FYCO1: variants seen among roughly 807,000 people sequenced by gnomAD.
FYCO1 encodes FYVE and coiled-coil domain autophagy adaptor 1, also known as FYVE and coiled-coil domain-containing protein 1.
In FYCO1, 122 loss-of-function variants were observed where a neutral mutation model predicts 165.1. The observed-to-expected ratio is 0.74, with a 90% CI of 0.64 to 0.86. FYCO1 has a LOEUF of 0.86. Among genes scored for constraint, FYCO1 ranks in the 40% least tolerant of loss-of-function variants. The pLI is 0.00. For missense variants in FYCO1, 1,702 were observed against 1,810.3 expected, an observed-to-expected ratio of 0.94 and a Z score of 1.09; for synonymous variants, 648 against 742.5, an observed-to-expected ratio of 0.87 and a Z score of 2.07.
chr3:45,943,997 A>G (rs2125817847), intron 14 of FYCO1, among the ~76,000 whole-genome samples: 1 of 152,322 alleles, frequency 6.6e-6, no homozygotes, highest in East Asian at 1.9e-4. Flanking sequence ...GAAATAAGTC[A>G]CCCATAATTC....
rs560062297 is a variant in FYCO1 at position 45,951,116 on chromosome 3, G to A, written c.3944+4133C>T. Reference sequence around the variant, plus strand: ...TATCTGAAGGATCTTCTTTGCAGGAGACGACTGGGCTGCGCAGTGCAAGGT... The same window carrying A: ...TATCTGAAGGATCTTCTTTGCAGGAAACGACTGGGCTGCGCAGTGCAAGGT... On this transcript the variant is annotated intron_variant, in intron 14 of 17. Transcript: ENST00000296137. 2.0e-5 allele frequency among the ~76,000 whole-genome samples: 3 copies of A among 152,336 alleles called. No homozygotes were observed. In the East Asian group the frequency reaches 5.8e-4, roughly 29 times the overall value.
At chr3:45,925,623 A>G (rs1230450397) in intron 16 of FYCO1, among the ~76,000 whole-genome samples, 1 of 152,236 alleles carries the variant, frequency 6.6e-6, no homozygotes, top group Non-Finnish European at 1.5e-5. Context: ...CATGTTGGGT[A>G]CACAGTTCCC....
intron 10 of FYCO1, among the ~76,000 whole-genome samples, chr3:45,963,516 C>G (rs765488675): frequency 1.5e-4 from 23 of 152,134 alleles, no homozygotes; most frequent in Non-Finnish European, 3.1e-4. Context: ...AGAGCCCAGG[C>G]CTAGAAGGCA....
intron 16 of FYCO1, among the ~76,000 whole-genome samples, chr3:45,928,648 C>T (rs188405084): frequency 5.3e-5 from 8 of 152,294 alleles, no homozygotes; most frequent in East Asian, 1.9e-4. Context: ...ACAGGTCCCT[C>T]GCCTCACCTC....
At chr3:45,984,058 C>T (rs1004223766) in intron 2 of FYCO1, among the ~76,000 whole-genome samples, 4 of 152,120 alleles carry the variant, frequency 2.6e-5, no homozygotes, top group Non-Finnish European at 4.4e-5. Context: ...AGTGTCACAG[C>T]GGACTCTGCA....
At position 45,920,503 on chromosome 3, in the gene FYCO1, AGAGCTGTCCAAGGT is replaced by A. The variant is rs1171143802; in HGVS notation, c.*1248_*1261del. 2.6e-5 allele frequency: 4 copies of A among 152,288 alleles called. No individual in the cohort carries two copies. The highest frequency in any genetic ancestry group is 5.9e-5 in the Non-Finnish European group (4 of 68,108). 9.4% of individuals were successfully genotyped at this position (152,288 alleles called of 1,614,324 possible). A position where few individuals can be genotyped will look rare whatever the true frequency, so the allele number is the denominator to read the frequency against. On this transcript the variant is annotated 3_prime_UTR_variant, in exon 18 of 18. Transcript: ENST00000296137. ...AGCTGGTTCCATGAACAAGGGACGAAGAGCTGTCCAAGGTGAGCTATCTGTTGTTGGGGAAGAAA... is the reference window on the plus strand; with the variant it reads ...AGCTGGTTCCATGAACAAGGGACGAAGAGCTATCTGTTGTTGGGGAAGAAA...
At chr3:45,982,437 G>C (rs144628978) in intron 2 of FYCO1, among the ~76,000 whole-genome samples, 195 of 152,320 alleles carry the variant, frequency 1.3e-3, no homozygotes, top group African/African-American at 4.1e-3. Context: ...AGCAGAGCTG[G>C]AATAAGAACC....
intron 4 of FYCO1, among the ~76,000 whole-genome samples, chr3:45,979,007 C>T (rs1341300096): frequency 2.0e-5 from 3 of 151,884 alleles, no homozygotes; most frequent in Non-Finnish European, 4.4e-5. Flanking sequence ...CAGGCGCCCG[C>T]CACCACGCCT....
At position 45,966,890 on chromosome 3, in the gene FYCO1, A is replaced by T. The variant is rs774132910; in HGVS notation, c.2444T>A (p.Met815Lys). 5.0e-6 allele frequency: 8 copies of T among 1,613,618 alleles called. No homozygotes were observed. The East Asian group carries it at 8.9e-5, about 18-fold the overall frequency. Residue 815 changes from methionine (M) to lysine (K), a missense_variant, in exon 8 of 18, where the codon ATG (methionine) becomes AAG (lysine). Transcript: ENST00000296137. ...DQDKVQSQLS[M>K]AEAVLREHKT... ...GTGCTCCCTCAGGACGGCCTCAGCC[A>T]TGCTTAGCTGGCTCTGCACCTTGTC...
rs1164203337 is a variant in FYCO1, at chr3:45,918,968, G to A, written c.*2797C>T. ...TGACAGAGGTTGGCATGTTCTTGAA[G>A]GTGGTGAGTGGCTTCAGTGGCATGA... On this transcript the variant is annotated 3_prime_UTR_variant, in exon 18 of 18. Transcript: ENST00000296137. 1.3e-5 allele frequency: 2 copies of A among 152,182 alleles called. No homozygotes were observed. Among genetic ancestry groups the A allele is most frequent in the East Asian group, 3.9e-4 (2 of 5,174 alleles). The allele number at this position is 152,182 out of a possible 1,614,324, so 9.4% of individuals were successfully genotyped here. A position where few individuals can be genotyped will look rare whatever the true frequency, so the allele number is the denominator to read the frequency against.
chr3:45,961,627 G>A (rs199981294), intron 11 of FYCO1, among the ~76,000 whole-genome samples: 1 of 152,038 alleles, frequency 6.6e-6, no homozygotes, highest in East Asian at 1.9e-4. Flanking sequence ...CCTTACCTTG[G>A]AGAGGTACAT....
At chr3:45,936,586 A>G in intron 14 of FYCO1, 43 bp from the exon 15 acceptor site, 4 of 1,388,212 alleles carry the variant, frequency 2.9e-6, no homozygotes, top group Non-Finnish European at 4.1e-6. Context: ...AGCTATCAAC[A>G]CACAGGGTCT....
intron 11 of FYCO1, among the ~76,000 whole-genome samples, chr3:45,961,265 G>A (rs1159712943): frequency 6.6e-6 from 1 of 152,162 alleles, no homozygotes; most frequent in Non-Finnish European, 1.5e-5. Flanking sequence ...GTGTAATAAG[G>A]ACACTGTGGT....
intron 6 of FYCO1, among the ~76,000 whole-genome samples, chr3:45,971,050 T>C (rs1417546360): frequency 1.3e-5 from 2 of 152,032 alleles, no homozygotes; most frequent in African/African-American, 4.8e-5. Flanking sequence ...TTTTATTTCT[T>C]AAAAAAGTAT....
At chr3:45,992,220 TCAACAAGG>T (rs1462532221) in intron 1 of FYCO1, among the ~76,000 whole-genome samples, 1 of 152,168 alleles carries the variant, frequency 6.6e-6, no homozygotes, top group Non-Finnish European at 1.5e-5. Context: ...TGTGACACCA[TCAACAAGG>T]CAACCTGGGG....
intron 11 of FYCO1, among the ~76,000 whole-genome samples, chr3:45,960,199 C>T (rs1180444748): frequency 6.6e-6 from 1 of 152,180 alleles, no homozygotes; most frequent in Non-Finnish European, 1.5e-5. Flanking sequence ...TACTAATGAG[C>T]ATGTTCAGGC....
intron 15 of FYCO1, among the ~76,000 whole-genome samples, chr3:45,934,711 G>A (rs1207346637): frequency 6.6e-6 from 1 of 152,204 alleles, no homozygotes; most frequent in Non-Finnish European, 1.5e-5. Context: ...ATCAATTGAT[G>A]TAGAAAAAAG....
chr3:45,946,928 G>A lies in FYCO1; in HGVS notation c.3944+8321C>T, dbSNP rs917311904. ...AAGCCAAGAGGATGACCTGGGGCAAGGTCACCAGCTTGCTCATCTGGGTGA... is the reference window on the plus strand; with the variant it reads ...AAGCCAAGAGGATGACCTGGGGCAAAGTCACCAGCTTGCTCATCTGGGTGA... On this transcript the variant is annotated intron_variant, in intron 14 of 17. Coordinates refer to ENST00000296137, the MANE Select transcript of FYCO1 (RefSeq NM_024513.4). The A allele has an allele frequency of 6.8e-6, 11 of 1,614,094 alleles. No homozygotes were observed. The Admixed American group carries it at 1.0e-4, about 15-fold the overall frequency.
chr3:45,925,618 T>C (rs1703288410), intron 16 of FYCO1, among the ~76,000 whole-genome samples: 1 of 152,212 alleles, frequency 6.6e-6, no homozygotes, highest in Admixed American at 6.5e-5. Context: ...CTCTACATGT[T>C]GGGTACACAG....
Sources: allele counts gnomAD v4.1 joint callset (sites outside exome capture counted in the v4.1 genomes callset), GRCh38; gene constraint gnomAD v4.1.1; transcripts MANE v1.5; gene names NCBI Gene and HGNC (gene_info 2026-07-23, HGNC 2026-07-21).